Variants in KIF24 observed in about 807,000 individuals in gnomAD.
KIF24 encodes the protein kinesin-like protein KIF24.
KIF24 carries 81 observed loss-of-function variants against 118.9 expected under a neutral mutation model. That is an observed-to-expected ratio of 0.68 (90% CI 0.57 to 0.82). The LOEUF (loss-of-function observed/expected upper bound fraction) is 0.82, where lower values mean the gene tolerates loss of function less well. Ranked by LOEUF, KIF24 falls within the 40% of genes least tolerant of loss-of-function variation. KIF24 has a pLI of 0.00. For missense variants in KIF24, 1,560 were observed against 1,661.6 expected (o/e 0.94, Z 1.06); for synonymous variants, 599 against 610.0 (o/e 0.98, Z 0.27).
At chr9:34,299,533 T>C (rs1177439939) in intron 3 of KIF24, among the ~76,000 whole-genome samples, 3 of 151,212 alleles carry the variant, frequency 2.0e-5, no homozygotes, top group Non-Finnish European at 4.4e-5. Context: ...GGGCCACAGA[T>C]GAGACCCAGT....
At position 34,254,372 on chromosome 9, in the gene KIF24, G is replaced by A. The variant is rs1587903340; in HGVS notation, c.*8C>T. On this transcript the variant is annotated 3_prime_UTR_variant, in exon 13 of 13. Coordinates refer to ENST00000402558, the MANE Select transcript of KIF24 (RefSeq NM_194313.4). ...AGGGCCCCCACCATCTCGGCACAGG[G>A]TCTGGCTCTAAGACGGCACTGTTCC... is the stretch of plus-strand genomic sequence containing the variant. The A allele has an allele frequency of 2.5e-6, 4 of 1,610,474 alleles. No homozygotes were observed. Among genetic ancestry groups the A allele is most frequent in the African/African-American group, 2.7e-5 (2 of 74,836 alleles).
Position 34,290,282 on chromosome 9 carries a change from A to G in KIF24, c.1019T>C (p.Ile340Thr), listed in dbSNP as rs755425478. Residue 340 changes from isoleucine to threonine, a missense_variant, in exon 5 of 13, where the codon ATC becomes ACC. This residue lies in a region of KIF24 where 964 missense variants were observed against 988.0 expected (regional missense o/e 0.98). Coordinates refer to ENST00000402558, the MANE Select transcript of KIF24 (RefSeq NM_194313.4). The part of the protein sequence containing the change: ...PGLYALAAKD[I>T]FRQLEVSQPR... The stretch of plus-strand genomic sequence containing the variant: ...CTGGGACACTTCTAGTTGCCTGAAG[A>G]TATCTTTGGCAGCTAGAGCATACAA... 2 of 1,613,540 alleles carry G rather than the reference A, an allele frequency of 1.2e-6. No individual in the cohort carries two copies. Among genetic ancestry groups the G allele is most frequent in the Non-Finnish European group, 8.5e-7 (1 of 1,179,472 alleles).
At chr9:34,267,735 C>G (rs569301631) in intron 8 of KIF24, among the ~76,000 whole-genome samples, 41 of 152,264 alleles carry the variant, frequency 2.7e-4, no homozygotes, top group African/African-American at 7.7e-4. Flanking sequence ...GTATTTTACA[C>G]TTAGAGCATA....
At chr9:34,330,313 G>T (rs933624649), upstream of KIF24, among the ~76,000 whole-genome samples, 1 of 152,204 alleles carries the variant, frequency 6.6e-6, no homozygotes, top group African/African-American at 2.4e-5. Context: ...GCTGAGGCAG[G>T]AGAATGGCAT....
At chr9:34,267,844 A>G (rs2131695675) in intron 8 of KIF24, among the ~76,000 whole-genome samples, 1 of 152,314 alleles carries the variant, frequency 6.6e-6, no homozygotes, top group East Asian at 1.9e-4. Context: ...GCCACCTGAC[A>G]GGAAACATAA....
At chr9:34,261,757 T>C (rs1475671993) in intron 9 of KIF24, among the ~76,000 whole-genome samples, 7 of 152,192 alleles carry the variant, frequency 4.6e-5, no homozygotes, top group Non-Finnish European at 8.8e-5. Flanking sequence ...CACATCACAA[T>C]AGATCTTGGT....
At chr9:34,315,523 G>A (rs978037722) in intron 1 of KIF24, among the ~76,000 whole-genome samples, 1 of 152,138 alleles carries the variant, frequency 6.6e-6, no homozygotes, top group Non-Finnish European at 1.5e-5. Context: ...TGATAAAACT[G>A]ATACGGCATT....
At chr9:34,319,507 T>C (rs2131829503) in intron 1 of KIF24, 1 of 1,287,892 alleles carries the variant, frequency 7.8e-7, no homozygotes, top group Non-Finnish European at 1.1e-6. Flanking sequence ...GACCAGGACA[T>C]CTATGGGAGC....
chr9:34,310,760 G>A lies in KIF24; in HGVS notation c.587C>T (p.Ser196Leu). The A allele has an allele frequency of 6.2e-7, 1 of 1,609,844 alleles. No homozygotes were observed. Residue 196 changes from serine (S) to leucine (L), a missense_variant, in exon 2 of 13, where the codon TCA (serine) becomes TTA (leucine). Transcript: ENST00000402558. ...ATGAGGGATTCCATAGTTATACCCT[G>A]AAACATGAGAGATTCTTTGAATAAT... ...IPIIQRISHVSGYNYGIPHSC... is the reference protein window; with the variant it reads ...IPIIQRISHVLGYNYGIPHSC...
In KIF24 at chr9:34,257,901, T is replaced by A. The variant is rs149719836; in HGVS notation, c.1706A>T (p.Lys569Ile). The A allele has an allele frequency of 6.2e-7, 1 of 1,613,868 alleles. No individual in the cohort carries two copies. Among genetic ancestry groups the A allele is most frequent in the African/African-American group, 1.3e-5 (1 of 74,918 alleles). Residue 569 changes from lysine to isoleucine, a missense_variant, in exon 11 of 13, where the codon AAA (lysine) becomes ATA (isoleucine). Physicochemically the swap from Lys to Ile is moderately radical, Grantham distance 102 (BLOSUM62 -3). Coordinates refer to ENST00000402558, the MANE Select transcript of KIF24 (RefSeq NM_194313.4). ...RNRTSGNSSPKRIQSSPGALS... is the reference protein window; with the variant it reads ...RNRTSGNSSPIRIQSSPGALS... ...AGCCCCAGGGGAGCTCTGAATTCGT[T>A]TTGGAGAGGAGTTTCCAGATGTCCG... is the stretch of plus-strand genomic sequence containing the variant.
rs759590270 is a variant in KIF24, at chr9:34,255,828, G to A, written c.3779C>T (p.Ser1260Leu). 3.7e-6 allele frequency: 6 copies of A among 1,613,870 alleles called. No individual in the cohort carries two copies. The East Asian group carries it at 8.9e-5, about 24-fold the overall frequency. Residue 1260 changes from serine to leucine, a missense_variant, in exon 11 of 13, where the codon TCA (serine) becomes TTA (leucine). Physicochemically the swap from Ser to Leu is moderately radical, Grantham distance 145. Transcript: ENST00000402558. ...NVTWLKPRPISRCLARPSSPL... is the reference protein window; with the variant it reads ...NVTWLKPRPILRCLARPSSPL... The stretch of plus-strand genomic sequence containing the variant: ...AGAACTTGGCCTTGCTAAGCACCTT[G>A]AGATCGGCCTGGGTTTGAGCCATGT...
At chr9:34,261,817 G>A (rs1420245755) in intron 9 of KIF24, among the ~76,000 whole-genome samples, 1 of 150,620 alleles carries the variant, frequency 6.6e-6, no homozygotes, top group Non-Finnish European at 1.5e-5. Flanking sequence ...CATTTTAACT[G>A]CCTGAAGCCA....
Position 34,255,955 on chromosome 9 carries a change from G to A in KIF24, c.3652C>T (p.Gln1218Ter), listed in dbSNP as rs574767415. 3.1e-6 allele frequency: 5 copies of A among 1,613,950 alleles called. No homozygotes were observed. The Admixed American group carries it at 5.0e-5, about 16-fold the overall frequency. The change falls in exon 11 of 13, where the codon CAG becomes TAG. Residue 1218 changes from glutamine to a stop codon, truncating the protein, a stop_gained. Transcript: ENST00000402558. LOFTEE classifies it high-confidence loss of function. Reference sequence around the variant, plus strand: ...TGTTTTCTCTCCTGGGCCCAGAGCTGGTCAGCCACATCACTACTTCCTGTT... The same window carrying A: ...TGTTTTCTCTCCTGGGCCCAGAGCTAGTCAGCCACATCACTACTTCCTGTT... Reference protein sequence around the residue: ...PRTGSSDVADQLWAQERKHPT... With the variant: ...PRTGSSDVAD
upstream of KIF24, among the ~76,000 whole-genome samples, chr9:34,330,680 G>A (rs1476186546): frequency 6.6e-6 from 1 of 152,168 alleles, no homozygotes; most frequent in East Asian, 1.9e-4. Context: ...AAATGGTAGC[G>A]GCCGGGCGCG....
At chr9:34,266,050 G>A (rs574536194) in intron 8 of KIF24, among the ~76,000 whole-genome samples, 3 of 151,846 alleles carry the variant, frequency 2.0e-5, no homozygotes, top group South Asian at 4.2e-4. Context: ...GTGCCACCAC[G>A]CCCAGCTAAT....
upstream of KIF24, among the ~76,000 whole-genome samples, chr9:34,331,610 GAGCAA>G (rs1329151177): frequency 6.6e-6 from 1 of 152,174 alleles, no homozygotes; most frequent in Non-Finnish European, 1.5e-5. Flanking sequence ...CCTATGGTAG[GAGCAA>G]TATCTTGCTC....
At chr9:34,297,941 C>T (rs911973982) in intron 3 of KIF24, among the ~76,000 whole-genome samples, 8 of 151,672 alleles carry the variant, frequency 5.3e-5, no homozygotes, top group African/African-American at 1.9e-4. Flanking sequence ...ATCTTACCTC[C>T]TAAAAATGTT....
chr9:34,311,120 C>T lies in KIF24; in HGVS notation c.227G>A (p.Arg76His), dbSNP rs773813925. 67 of 1,613,590 alleles carry T rather than the reference C, an allele frequency of 4.2e-5. No individual in the cohort carries two copies. The South Asian group carries it at 5.1e-4, about 12-fold the overall frequency. Residue 76 changes from arginine to histidine, a missense_variant, in exon 2 of 13, where the codon CGT (arginine) becomes CAT (histidine). Arg to His is a conservative substitution (Grantham distance 29, BLOSUM62 0). Transcript: ENST00000402558. ...GCGCAGGCTGCTTGTCTGAAGATGACGCTCTGGGATACTGACTGCTTTATC... is the reference window on the plus strand; with the variant it reads ...GCGCAGGCTGCTTGTCTGAAGATGATGCTCTGGGATACTGACTGCTTTATC... ...EEDKAVSIPERHLQTSSLRIK... is the reference protein window; with the variant it reads ...EEDKAVSIPEHHLQTSSLRIK...
intron 3 of KIF24, among the ~76,000 whole-genome samples, chr9:34,301,149 C>G (rs528248961): frequency 8.3e-4 from 126 of 152,290 alleles, no homozygotes; most frequent in African/African-American, 3.0e-3. Context: ...CAATTCATAA[C>G]GTCCTTTGCA....
Sources: gnomAD v4.1 joint callset for allele counts (sites outside exome capture counted in the v4.1 genomes callset) on GRCh38, gnomAD v4.1.1 for gene constraint, gnomAD v4.1.1 regional missense constraint, MANE v1.5 for transcripts, NCBI Gene and HGNC (gene_info 2026-07-23, HGNC 2026-07-21) for gene names.